Variants in WWOX observed in about 807,000 individuals in gnomAD.
WWOX encodes WW domain-containing oxidoreductase.
WWOX carries 69 observed loss-of-function variants against 46.2 expected under a neutral mutation model. The observed-to-expected ratio is 1.49, with a 90% CI of 1.23 to 1.82. WWOX has a LOEUF of 1.82. WWOX is among the 40% of genes most tolerant of loss of function. The pLI is 0.00. For missense variants in WWOX, 919 were observed against 542.6 expected (o/e 1.69, Z -6.89); for synonymous variants, 359 against 202.6 (o/e 1.77, Z -6.56).
At chr16:79,211,034 A>AGAGTGTGTGTGT (rs1555547724) in intron 8 of WWOX, among the ~76,000 whole-genome samples, 1 of 149,602 alleles carries the variant, frequency 6.7e-6, no homozygotes, top group South Asian at 2.2e-4. Context: ...TATGGTGAGG[A>AGAGTGTGTGTGT]GTGTGTGTGT....
intron 8 of WWOX, among the ~76,000 whole-genome samples, chr16:79,023,272 T>C (rs898493591): frequency 1.3e-5 from 2 of 152,212 alleles, no homozygotes; most frequent in Non-Finnish European, 2.9e-5. Context: ...TCCCTTTGCA[T>C]TTATGCATTG....
intron 5 of WWOX, among the ~76,000 whole-genome samples, chr16:78,324,564 T>C (rs1349422255): frequency 6.6e-6 from 1 of 152,062 alleles, no homozygotes; most frequent in Non-Finnish European, 1.5e-5. Flanking sequence ...GATAAATATG[T>C]TGTGGTAAAT....
intron 8 of WWOX, among the ~76,000 whole-genome samples, chr16:79,065,942 G>C (rs1200128713): frequency 6.6e-6 from 1 of 152,154 alleles, no homozygotes; most frequent in African/African-American, 2.4e-5. Flanking sequence ...GAATACCTTA[G>C]AAAGTTTCAT....
intron 8 of WWOX, among the ~76,000 whole-genome samples, chr16:78,579,677 A>G (rs2044998914): frequency 6.6e-6 from 1 of 152,228 alleles, no homozygotes; most frequent in South Asian, 2.1e-4. Flanking sequence ...CTATCACATT[A>G]CCGACGGAGA....
chr16:78,465,103 C>A (rs942977130), intron 8 of WWOX, among the ~76,000 whole-genome samples: 3 of 152,158 alleles, frequency 2.0e-5, no homozygotes, highest in Non-Finnish European at 2.9e-5. Flanking sequence ...ACAGGCAGAT[C>A]CCATGGCTTT....
At chr16:78,589,298 A>G (rs1219881292) in intron 8 of WWOX, among the ~76,000 whole-genome samples, 1 of 152,268 alleles carries the variant, frequency 6.6e-6, no homozygotes, top group Non-Finnish European at 1.5e-5. Flanking sequence ...AAGAATATTT[A>G]GTCCATTCTG....
chr16:78,884,363 A>G (rs914624557), intron 8 of WWOX, among the ~76,000 whole-genome samples: 4 of 151,958 alleles, frequency 2.6e-5, no homozygotes, highest in Non-Finnish European at 5.9e-5. Flanking sequence ...CAAGTACAAG[A>G]GTGTGTTTAG....
chr16:78,104,825 G>T (rs534239039), intron 1 of WWOX, among the ~76,000 whole-genome samples: 4 of 152,134 alleles, frequency 2.6e-5, no homozygotes, highest in African/African-American at 7.2e-5. Context: ...AGTTCTTCCC[G>T]TGTTAACTCA....
chr16:78,722,059 A>G (rs2048705096), intron 8 of WWOX, among the ~76,000 whole-genome samples: 1 of 152,334 alleles, frequency 6.6e-6, no homozygotes, highest in Admixed American at 6.5e-5. Context: ...TAAATCAAGA[A>G]GCTAAGACTT....
At chr16:78,559,230 C>T (rs1472851736) in intron 8 of WWOX, among the ~76,000 whole-genome samples, 3 of 152,174 alleles carry the variant, frequency 2.0e-5, no homozygotes, top group Non-Finnish European at 4.4e-5. Flanking sequence ...GTTGTGGTAT[C>T]TCACATAATA....
intron 5 of WWOX, among the ~76,000 whole-genome samples, chr16:78,287,872 A>G (rs2079795503): frequency 6.6e-6 from 1 of 152,156 alleles, no homozygotes. Flanking sequence ...GGCCTGTTTT[A>G]ATGTTCCATT....
intron 3 of WWOX, among the ~76,000 whole-genome samples, chr16:78,113,741 C>T (rs764897639): frequency 3.9e-5 from 6 of 152,082 alleles, no homozygotes; most frequent in Admixed American, 2.0e-4. Flanking sequence ...ACGTTTGGCT[C>T]TTGTAAGCCA....
intron 8 of WWOX, among the ~76,000 whole-genome samples, chr16:79,210,721 C>T (rs2051703148): frequency 6.6e-6 from 1 of 151,712 alleles, no homozygotes; most frequent in East Asian, 1.9e-4. Flanking sequence ...TTAATTATGG[C>T]TTGCAAAGCA....
intron 5 of WWOX, among the ~76,000 whole-genome samples, chr16:78,383,716 C>A (rs568232940): frequency 3.3e-5 from 5 of 152,294 alleles, no homozygotes; most frequent in African/African-American, 1.2e-4. Context: ...ATCCCCTGGA[C>A]TTACTGTATT....
chr16:78,500,843 G>A lies in WWOX; in HGVS notation c.1056+68091G>A, dbSNP rs114482590. 5.8e-3 allele frequency among the ~76,000 whole-genome samples: 880 copies of A among 152,290 alleles called. 12 individuals carry two copies. Among genetic ancestry groups the A allele is most frequent in the African/African-American group, 0.02 (846 of 41,540 alleles). ...CCAGAGAGCATGTACAACAGCGCCT[G>A]TGCTGGGCCTGCTAGGAGTCGATAT... On this transcript the variant is annotated intron_variant, in intron 8 of 8. Coordinates refer to ENST00000566780, the MANE Select transcript of WWOX (RefSeq NM_016373.4).
intron 8 of WWOX, among the ~76,000 whole-genome samples, chr16:79,148,161 C>G (rs927825109): frequency 9.9e-5 from 15 of 151,964 alleles, no homozygotes; most frequent in Non-Finnish European, 8.8e-5. Flanking sequence ...ACCATATATC[C>G]CAAATAATTT....
intron 5 of WWOX, among the ~76,000 whole-genome samples, chr16:78,361,661 G>A (rs2081412465): frequency 6.6e-6 from 1 of 152,102 alleles, no homozygotes; most frequent in African/African-American, 2.4e-5. Flanking sequence ...GCCCAGGCTG[G>A]AGTGTAATGG....
At chr16:78,407,671 C>G (rs1248666468) in intron 6 of WWOX, among the ~76,000 whole-genome samples, 1 of 152,164 alleles carries the variant, frequency 6.6e-6, no homozygotes, top group Non-Finnish European at 1.5e-5. Flanking sequence ...ATGACTCTTT[C>G]TTGATCAACT....
At chr16:79,060,452 G>C (rs961082910) in intron 8 of WWOX, among the ~76,000 whole-genome samples, 2 of 152,242 alleles carry the variant, frequency 1.3e-5, no homozygotes, top group Non-Finnish European at 2.9e-5. Context: ...AAGATGGATA[G>C]AAGCTTCAAG....
Sources: allele counts gnomAD v4.1 joint callset (sites outside exome capture counted in the v4.1 genomes callset), GRCh38; gene constraint gnomAD v4.1.1; transcripts MANE v1.5; gene names NCBI Gene and HGNC (gene_info 2026-07-23, HGNC 2026-07-21).